FGFR1OP2: variants seen among roughly 807,000 people sequenced by gnomAD.
The protein encoded by FGFR1OP2 is fibroblast growth factor receptor 1 oncogene partner 2.
In FGFR1OP2, 17 loss-of-function variants were observed where a neutral mutation model predicts 35.2. The observed-to-expected ratio is 0.48, with a 90% confidence interval of 0.33 to 0.73. FGFR1OP2 has a LOEUF of 0.73. Ranked by LOEUF, FGFR1OP2 falls within the 30% of genes least tolerant of loss-of-function variation. The probability of loss-of-function intolerance (pLI) is 0.02; values close to 1 mark genes in which losing one functional copy is unlikely to be tolerated. For missense variants in FGFR1OP2, 251 were observed against 307.3 expected (o/e 0.82, Z 1.37); for synonymous variants, 105 against 104.6 (o/e 1.00, Z -0.03).
Position 26,954,211 on chromosome 12 carries a change from G to A in FGFR1OP2, c.53G>A (p.Arg18Lys). Residue 18 changes from arginine (R) to lysine (K), a missense_variant, in exon 2 of 7, where the codon AGA becomes AAA. Coordinates refer to ENST00000229395, the MANE Select transcript of FGFR1OP2 (RefSeq NM_015633.3). ...GCCGACGCTAAAGCTCTTGTTGAAA[G>A]ATTAAGAGATCATGACGATGCAGCA... ...ALADAKALVE[R>K]LRDHDDAAES... is the part of the protein sequence containing the mutation. 4.3e-6 allele frequency: 7 copies of A among 1,612,138 alleles called. No homozygotes were observed. The highest frequency in any genetic ancestry group is 5.9e-6 in the Non-Finnish European group (7 of 1,178,842).
chr12:26,952,446 G>A (rs1406990587), intron 1 of FGFR1OP2, among the ~76,000 whole-genome samples: 2 of 152,028 alleles, frequency 1.3e-5, no homozygotes, highest in Non-Finnish European at 2.9e-5. Context: ...TAAACCTCCT[G>A]AATCTTACAA....
chr12:26,957,618 G>A lies in FGFR1OP2; in HGVS notation c.271G>A (p.Glu91Lys). 1 of 1,612,582 alleles carries A rather than the reference G, an allele frequency of 6.2e-7. No homozygotes were observed. The highest frequency in any genetic ancestry group is 8.5e-7 in the Non-Finnish European group (1 of 1,179,470). ...CTTGATAGAATTACGTACATCTCTGGAAGAACATCAGTCGGCCTTGGAACT... is the reference window on the plus strand; with the variant it reads ...CTTGATAGAATTACGTACATCTCTGAAAGAACATCAGTCGGCCTTGGAACT... ...QENKELRTSL[E>K]EHQSALELIM... The change falls in exon 4 of 7, where the codon GAA becomes AAA. Residue 91 changes from glutamate to lysine, a missense_variant. Glu to Lys is a moderately conservative substitution (Grantham distance 56, BLOSUM62 1). Coordinates refer to ENST00000229395, the MANE Select transcript of FGFR1OP2 (RefSeq NM_015633.3).
In FGFR1OP2 at chr12:26,964,814, C is replaced by A; in HGVS notation, c.*81C>A. Reference sequence around the variant, plus strand: ...TGAATGAATGGACAGAAAATTCAATCCTTTATTTTTTTCTCTGTAAATATG... The same window carrying A: ...TGAATGAATGGACAGAAAATTCAATACTTTATTTTTTTCTCTGTAAATATG... On this transcript the variant is annotated 3_prime_UTR_variant, in exon 7 of 7. Transcript: ENST00000229395. The A allele has an allele frequency of 1.3e-6, 2 of 1,495,306 alleles. No homozygotes were observed. Among genetic ancestry groups the A allele is most frequent in the South Asian group, 1.2e-5 (1 of 84,022 alleles). 92.6% of individuals were successfully genotyped at this position (1,495,306 alleles called of 1,614,324 possible).
intron 1 of FGFR1OP2, among the ~76,000 whole-genome samples, chr12:26,939,231 GTAT>G (rs1938660673): frequency 6.6e-6 from 1 of 151,772 alleles, no homozygotes. Context: ...ACACTGCACT[GTAT>G]TATTTTTTTT....
At position 26,964,841 on chromosome 12, in the gene FGFR1OP2, A is replaced by C; in HGVS notation, c.*108A>C. ...TTTATTTTTTTCTCTGTAAATATGT[A>C]CAGTGCACGGGCTATGAGATAGCAA... is the stretch of plus-strand genomic sequence containing the variant. On this transcript the variant is annotated 3_prime_UTR_variant, in exon 7 of 7. Coordinates refer to ENST00000229395, the MANE Select transcript of FGFR1OP2 (RefSeq NM_015633.3). 8.1e-7 allele frequency: 1 copy of C among 1,233,530 alleles called. No individual in the cohort carries two copies. Among genetic ancestry groups the C allele is most frequent in the Non-Finnish European group, 1.1e-6 (1 of 877,382 alleles). The allele number at this position is 1,233,530 out of a possible 1,614,324, so 76.4% of individuals were successfully genotyped here. A position where few individuals can be genotyped will look rare whatever the true frequency, so the allele number is the denominator to read the frequency against.
At chr12:26,950,908 G>A (rs1320200552) in intron 1 of FGFR1OP2, among the ~76,000 whole-genome samples, 2 of 152,182 alleles carry the variant, frequency 1.3e-5, no homozygotes, top group Non-Finnish European at 2.9e-5. Flanking sequence ...AAGGTTGCTG[G>A]ATTAATACTG....
intron 1 of FGFR1OP2, among the ~76,000 whole-genome samples, chr12:26,953,133 A>G (rs1030991303): frequency 1.4e-4 from 21 of 151,936 alleles, no homozygotes; most frequent in African/African-American, 4.8e-4. Flanking sequence ...GCGTGGTGGC[A>G]GGTGCCTGTA....
chr12:26,944,828 C>T (rs916783599), intron 1 of FGFR1OP2, among the ~76,000 whole-genome samples: 1 of 152,056 alleles, frequency 6.6e-6, no homozygotes, highest in Admixed American at 6.5e-5. Context: ...TCCTTGAAGC[C>T]ATCCAGGTCT....
intron 3 of FGFR1OP2, 126 bp downstream of exon 3, chr12:26,956,786 C>T: frequency 4.7e-6 from 2 of 427,192 alleles, no homozygotes; most frequent in Non-Finnish European, 8.6e-6. Flanking sequence ...GATTCTCACC[C>T]TTAATATCCA....
At chr12:26,961,418 C>T (rs1029119852) in intron 5 of FGFR1OP2, 1 of 152,014 alleles carries the variant, frequency 6.6e-6, no homozygotes, top group Admixed American at 6.6e-5. Flanking sequence ...CTGAAAAAAT[C>T]AGTAGTTTTT....
intron 1 of FGFR1OP2, among the ~76,000 whole-genome samples, chr12:26,942,178 G>A (rs970145383): frequency 3.9e-5 from 6 of 152,162 alleles, no homozygotes; most frequent in Non-Finnish European, 5.9e-5. Context: ...GATTACAGGC[G>A]TGCGCCACCA....
chr12:26,964,621 T>G lies in FGFR1OP2; in HGVS notation c.650T>G (p.Ile217Ser), dbSNP rs965341919. ...LEQENKGLRE[I>S]LQITRESFLN... is the part of the protein sequence containing the mutation. The stretch of plus-strand genomic sequence containing the variant: ...CAAGAAAACAAAGGCTTGAGAGAGA[T>G]CCTTCAAATAACTCGAGAATCATTT... Residue 217 changes from isoleucine to serine, a missense_variant, in exon 7 of 7, where the codon ATC becomes AGC. Coordinates refer to ENST00000229395, the MANE Select transcript of FGFR1OP2 (RefSeq NM_015633.3). 1 of 1,613,046 alleles carries G rather than the reference T, an allele frequency of 6.2e-7. No homozygotes were observed. Among genetic ancestry groups the G allele is most frequent in the South Asian group, 1.1e-5 (1 of 91,042 alleles).
chr12:26,942,587 T>C (rs1565846183), intron 1 of FGFR1OP2, among the ~76,000 whole-genome samples: 2 of 152,184 alleles, frequency 1.3e-5, no homozygotes, highest in African/African-American at 4.8e-5. Flanking sequence ...CTTATACATA[T>C]TAGATAGGGA....
In FGFR1OP2 at chr12:26,965,725, G is replaced by T. The variant is rs1352703756; in HGVS notation, c.*992G>T. 2 of 150,760 alleles carry T rather than the reference G, an allele frequency of 1.3e-5. No individual in the cohort carries two copies. The highest frequency in any genetic ancestry group is 2.9e-5 in the Non-Finnish European group (2 of 67,840). 9.3% of individuals were successfully genotyped at this position (150,760 alleles called of 1,614,324 possible). On this transcript the variant is annotated 3_prime_UTR_variant, in exon 7 of 7. Transcript: ENST00000229395. Reference sequence around the variant, plus strand: ...CGGATCTGTTTTTAAGCTCCATCTGGTCCTCATAACCTGCAAGATTTTTCT... The same window carrying T: ...CGGATCTGTTTTTAAGCTCCATCTGTTCCTCATAACCTGCAAGATTTTTCT...
chr12:26,951,571 C>T (rs1031167874), intron 1 of FGFR1OP2, among the ~76,000 whole-genome samples: 3 of 152,242 alleles, frequency 2.0e-5, no homozygotes, highest in East Asian at 3.9e-4. Context: ...CTGCCCTCCT[C>T]GACCTCCCAA....
At position 26,944,355 on chromosome 12, in the gene FGFR1OP2, GCAGT is replaced by G. The variant is rs912606158; in HGVS notation, c.-15+5652_-15+5655del. On this transcript the variant is annotated intron_variant, in intron 1 of 6. Transcript: ENST00000229395. The stretch of plus-strand genomic sequence containing the variant: ...CCTTGTTCCTAATTTTATTGGGAAA[GCAGT>G]CAGTCATTCATTATGAAGTATGACG... Among the ~76,000 whole-genome samples the G allele has an allele frequency of 5.9e-5, 9 of 152,300 alleles. No homozygotes were observed. The East Asian group carries it at 1.2e-3, about 20-fold the overall frequency.
At chr12:26,949,393 A>G (rs371171733) in intron 1 of FGFR1OP2, among the ~76,000 whole-genome samples, 218 of 152,052 alleles carry the variant, frequency 1.4e-3, no homozygotes, top group African/African-American at 4.8e-3. Flanking sequence ...CAGCCTCCCA[A>G]AGTGCTGGGA....
intron 1 of FGFR1OP2, among the ~76,000 whole-genome samples, chr12:26,944,845 T>G (rs1253164155): frequency 6.6e-6 from 1 of 152,196 alleles, no homozygotes; most frequent in African/African-American, 2.4e-5. Context: ...GTCTGGAGAT[T>G]TTTTGCAGAA....
chr12:26,943,984 G>T (rs967563821), intron 1 of FGFR1OP2, among the ~76,000 whole-genome samples: 2 of 152,064 alleles, frequency 1.3e-5, no homozygotes, highest in Admixed American at 6.5e-5. Context: ...TTGTGCCCAG[G>T]AATCTCAGGG....
Sources: gnomAD v4.1 joint callset for allele counts (sites outside exome capture counted in the v4.1 genomes callset) on GRCh38, gnomAD v4.1.1 for gene constraint, MANE v1.5 for transcripts, NCBI Gene and HGNC (gene_info 2026-07-23, HGNC 2026-07-21) for gene names.